Variants in NME8 observed in about 807,000 individuals in gnomAD.
NME8 encodes the protein protein NME8.
A neutral mutation model predicts 82.3 loss-of-function variants in NME8; 72 were observed. The observed-to-expected ratio is 0.87, with a 90% CI of 0.72 to 1.06. The LOEUF is 1.06. Among genes scored for constraint, NME8 ranks in the 50% least tolerant of loss-of-function variants. The pLI is 0.00. For synonymous variants in NME8, 267 were observed against 228.5 expected (o/e 1.17, Z -1.52); for missense variants, 712 against 685.4 (o/e 1.04, Z -0.43).
intron 11 of NME8, 111 bp downstream of exon 11, chr7:37,868,009 G>A (rs1365757746): frequency 4.6e-6 from 4 of 863,884 alleles, no homozygotes; most frequent in Non-Finnish European, 7.6e-6. Context: ...AAAGGCATAA[G>A]TATTTCTTCC....
At chr7:37,865,741 C>A in intron 10 of NME8, 124 bp downstream of exon 10, 1 of 694,092 alleles carries the variant, frequency 1.4e-6, no homozygotes. Flanking sequence ...CTCCTGGTGT[C>A]CCTGTTGGTG....
chr7:37,880,475 C>T (rs1344009297), intron 12 of NME8, among the ~76,000 whole-genome samples: 4 of 152,160 alleles, frequency 2.6e-5, no homozygotes, highest in Non-Finnish European at 4.4e-5. Context: ...CATTGTATTG[C>T]CTTTGCAACT....
At chr7:37,877,525 A>G (rs1784875053) in intron 12 of NME8, among the ~76,000 whole-genome samples, 1 of 152,202 alleles carries the variant, frequency 6.6e-6, no homozygotes, top group Non-Finnish European at 1.5e-5. Flanking sequence ...CTTTTTTTAT[A>G]TCTAATATAT....
chr7:37,849,868 TCAA>T lies in NME8; in HGVS notation c.-7-391_-7-389del, dbSNP rs370144925. On this transcript the variant is annotated intron_variant, in intron 2 of 17. Transcript: ENST00000199447. ...TCTGGCAACAGAGTGAGACTATGTC[TCAA>T]AAAAAAAAAAAAAAAAAAAGAACAA... is the stretch of plus-strand genomic sequence containing the variant. Among the ~76,000 whole-genome samples the T allele has an allele frequency of 1.2e-3, 139 of 111,524 alleles. 2 individuals carry two copies. Among genetic ancestry groups the T allele is most frequent in the Admixed American group, 1.6e-3 (17 of 10,684 alleles). The allele number at this position is 111,524 out of a possible 152,430, so 73.2% of individuals were successfully genotyped here. A position where few individuals can be genotyped will look rare whatever the true frequency, so the allele number is the denominator to read the frequency against.
At chr7:37,889,438 AGTTT>A (rs1001565157) in intron 15 of NME8, among the ~76,000 whole-genome samples, 1 of 151,208 alleles carries the variant, frequency 6.6e-6, no homozygotes, top group African/African-American at 2.4e-5. Context: ...TTGAATATTA[AGTTT>A]ATTTATTTTC....
At chr7:37,882,614 A>T (rs1177706213) in intron 12 of NME8, among the ~76,000 whole-genome samples, 1 of 40,454 alleles carries the variant, frequency 2.5e-5, no homozygotes, top group East Asian at 7.8e-4. Flanking sequence ...AGAGAGAGAG[A>T]GAAAGAAAGA....
chr7:37,865,721 C>T, intron 10 of NME8, 104 bp downstream of exon 10: 2 of 741,708 alleles, frequency 2.7e-6, no homozygotes, highest in South Asian at 3.0e-5. Flanking sequence ...GTCTGAACAA[C>T]TAAAATAAGC....
intron 17 of NME8, among the ~76,000 whole-genome samples, chr7:37,897,467 T>A (rs1583648321): frequency 6.6e-6 from 1 of 152,228 alleles, no homozygotes; most frequent in East Asian, 1.9e-4. Flanking sequence ...ACTCAGCTCC[T>A]TTCCACTTCT....
chr7:37,875,791 A>G (rs1336893936), intron 11 of NME8, among the ~76,000 whole-genome samples: 1 of 152,188 alleles, frequency 6.6e-6, no homozygotes, highest in Non-Finnish European at 1.5e-5. Context: ...CCCCACCAAC[A>G]TAACGGCTAA....
Position 37,850,622 on chromosome 7 carries a change from C to A in NME8, c.92-7C>A, listed in dbSNP as rs1784425416. 2 of 1,588,632 alleles carry A rather than the reference C, an allele frequency of 1.3e-6. No individual in the cohort carries two copies. The highest frequency in any genetic ancestry group is 1.7e-6 in the Non-Finnish European group (2 of 1,156,810). ...TTTGTTATTTCATAAATATCATCAT[C>A]TTCTAGTGATTGATGTTTACCAAGC... On this transcript the variant is annotated splice_polypyrimidine_tract_variant and splice_region_variant and intron_variant, in intron 4 of 17. Coordinates refer to ENST00000199447, the MANE Select transcript of NME8 (RefSeq NM_016616.5).
intron 5 of NME8, among the ~76,000 whole-genome samples, chr7:37,853,306 T>G (rs1353437512): frequency 6.6e-6 from 1 of 152,152 alleles, no homozygotes; most frequent in African/African-American, 2.4e-5. Flanking sequence ...TTGTAGTTTT[T>G]TTAAAGACGA....
At chr7:37,887,499 C>T (rs115671901) in intron 14 of NME8, among the ~76,000 whole-genome samples, 178 of 152,262 alleles carry the variant, frequency 1.2e-3, no homozygotes, top group African/African-American at 4.1e-3. Context: ...ATTGCATCTG[C>T]AAAATCACCT....
chr7:37,875,007 G>A (rs929094241), intron 11 of NME8, among the ~76,000 whole-genome samples: 19 of 152,244 alleles, frequency 1.2e-4, no homozygotes, highest in South Asian at 2.1e-4. Flanking sequence ...CAAGAAGGAC[G>A]CAGGCTCATG....
intron 16 of NME8, among the ~76,000 whole-genome samples, chr7:37,896,257 T>C (rs916916396): frequency 6.6e-6 from 1 of 152,214 alleles, no homozygotes; most frequent in East Asian, 1.9e-4. Context: ...TTCATACTTA[T>C]TGCAGGTTGC....
intron 11 of NME8, among the ~76,000 whole-genome samples, chr7:37,870,991 G>A (rs1290050718): frequency 6.6e-6 from 1 of 152,160 alleles, no homozygotes; most frequent in African/African-American, 2.4e-5. Context: ...AAACTCTCAT[G>A]CGTAATTTAT....
rs781008114 is a variant in NME8 at position 37,850,724 on chromosome 7, C to A, written c.187C>A (p.His63Asn). The change falls in exon 5 of 18, where the codon CAT becomes AAT. Residue 63 changes from histidine (H) to asparagine (N), a missense_variant. Physicochemically the swap from His to Asn is moderately conservative, Grantham distance 68. Coordinates refer to ENST00000199447, the MANE Select transcript of NME8 (RefSeq NM_016616.5). ...KNELNEDEILHFAVAEADNIV... is the reference protein window; with the variant it reads ...KNELNEDEILNFAVAEADNIV... ...TGAACTGAACGAAGACGAAATTCTG[C>A]ATTTTGCTGTCGTAAGAATTTTGTT... is the stretch of plus-strand genomic sequence containing the variant. 1.9e-6 allele frequency: 3 copies of A among 1,609,698 alleles called. No homozygotes were observed. Among genetic ancestry groups the A allele is most frequent in the Non-Finnish European group, 2.6e-6 (3 of 1,176,396 alleles).
chr7:37,881,506 G>C (rs1784944927), intron 12 of NME8, among the ~76,000 whole-genome samples: 2 of 152,124 alleles, frequency 1.3e-5, no homozygotes, highest in Admixed American at 1.3e-4. Flanking sequence ...AATAAATCCA[G>C]CTTGGTCATG....
Position 37,852,665 on chromosome 7 carries a change from G to A in NME8, c.198+1930G>A, listed in dbSNP as rs1784454008. On this transcript the variant is annotated intron_variant, in intron 5 of 17. Transcript: ENST00000199447. ...CGCCATGTCTTTTAATGATTTGATA[G>A]CTCATTTCTTTTTAGTGTCAAATAA... Among the ~76,000 whole-genome samples, 3 of 152,080 alleles carry A rather than the reference G, an allele frequency of 2.0e-5. No individual in the cohort carries two copies. In the South Asian group the frequency reaches 6.2e-4, roughly 32 times the overall value.
intron 5 of NME8, among the ~76,000 whole-genome samples, chr7:37,853,380 T>C (rs1041087447): frequency 2.6e-5 from 4 of 152,176 alleles, no homozygotes; most frequent in Admixed American, 1.3e-4. Context: ...TAGGAAATTA[T>C]TCTAGACTTG....
Sources: allele counts gnomAD v4.1 joint callset (sites outside exome capture counted in the v4.1 genomes callset), GRCh38; gene constraint gnomAD v4.1.1; transcripts MANE v1.5; gene names NCBI Gene and HGNC (gene_info 2026-07-23, HGNC 2026-07-21).